CUL1: variants seen among roughly 807,000 people sequenced by gnomAD.
CUL1 encodes the protein cullin 1.
Under a neutral mutation model 118.0 loss-of-function variants are expected in CUL1, and 24 were observed. That is an observed-to-expected ratio of 0.20 (90% CI 0.15 to 0.29). The LOEUF (loss-of-function observed/expected upper bound fraction) is 0.29. Among genes scored for constraint, CUL1 ranks in the 10% least tolerant of loss-of-function variants. The probability of loss-of-function intolerance (pLI) is 1.00; values close to 1 mark genes in which losing one functional copy is unlikely to be tolerated. For missense variants in CUL1, 361 were observed against 933.8 expected (o/e 0.39, Z 7.99); for synonymous variants, 332 against 340.4 (o/e 0.98, Z 0.27).
chr7:148,744,328 C>T (rs1799238031), intron 2 of CUL1, among the ~76,000 whole-genome samples: 1 of 151,148 alleles, frequency 6.6e-6, no homozygotes, highest in African/African-American at 2.4e-5. Flanking sequence ...TCTTGCTTTC[C>T]ACCCTTCTTT....
At chr7:148,752,088 G>A (rs1010132033) in intron 2 of CUL1, among the ~76,000 whole-genome samples, 1 of 152,116 alleles carries the variant, frequency 6.6e-6, no homozygotes, top group Non-Finnish European at 1.5e-5. Context: ...TCCAGTCTGG[G>A]CAACAAGAGT....
At chr7:148,719,672 C>T (rs775534903) in intron 1 of CUL1, among the ~76,000 whole-genome samples, 4 of 152,118 alleles carry the variant, frequency 2.6e-5, no homozygotes, top group Non-Finnish European at 4.4e-5. Flanking sequence ...TAGTAACCAG[C>T]GAAGATCCAA....
At position 148,783,969 on chromosome 7, in the gene CUL1, A is replaced by G; in HGVS notation, c.1192-2A>G. On this transcript the variant is annotated splice_acceptor_variant, in intron 10 of 21. Coordinates refer to ENST00000325222, the MANE Select transcript of CUL1 (RefSeq NM_003592.3). LOFTEE classifies it high-confidence loss of function. Reference sequence around the variant, plus strand: ...TCTCTAACTATATTCCGTGTAACGCAGGCTTGTGGTCGCTTCATAAACAAC... The same window carrying G: ...TCTCTAACTATATTCCGTGTAACGCGGGCTTGTGGTCGCTTCATAAACAAC... The G allele has an allele frequency of 6.2e-7, 1 of 1,614,144 alleles. No homozygotes were observed. The highest frequency in any genetic ancestry group is 8.5e-7 in the Non-Finnish European group (1 of 1,180,006).
chr7:148,799,389 G>T lies in CUL1; in HGVS notation c.2250+1G>T. On this transcript the variant is annotated splice_donor_variant, in intron 21 of 21. Transcript: ENST00000325222. LOFTEE classifies it high-confidence loss of function. ...CAAACCTCGAGTCCCTGTGATCAAG[G>T]TACAGGACTTTACATAGCAGTCACA... is the stretch of plus-strand genomic sequence containing the variant. 6.3e-7 allele frequency: 1 copy of T among 1,593,354 alleles called. No homozygotes were observed. Among genetic ancestry groups the T allele is most frequent in the Non-Finnish European group, 8.6e-7 (1 of 1,161,642 alleles).
At chr7:148,735,843 TAGTA>T (rs1253533040) in intron 2 of CUL1, among the ~76,000 whole-genome samples, 1 of 152,058 alleles carries the variant, frequency 6.6e-6, no homozygotes, top group African/African-American at 2.4e-5. Context: ...GAAATGCAAA[TAGTA>T]AGCATATGGA....
intron 2 of CUL1, among the ~76,000 whole-genome samples, chr7:148,750,706 C>T (rs1375128715): frequency 1.3e-5 from 2 of 152,150 alleles, no homozygotes; most frequent in Admixed American, 1.3e-4. Flanking sequence ...ATGCTTGTGT[C>T]AAAGCTTCAA....
At chr7:148,704,441 G>GA (rs1451084314) in intron 1 of CUL1, among the ~76,000 whole-genome samples, 1 of 152,056 alleles carries the variant, frequency 6.6e-6, no homozygotes, top group African/African-American at 2.4e-5. Context: ...TATGTGCTTT[G>GA]AAATAGCTAT....
chr7:148,799,264 T>A lies in CUL1; in HGVS notation c.2137-11T>A. 1.2e-6 allele frequency: 2 copies of A among 1,605,902 alleles called. No homozygotes were observed. The highest frequency in any genetic ancestry group is 1.7e-6 in the Non-Finnish European group (2 of 1,172,682). On this transcript the variant is annotated splice_polypyrimidine_tract_variant and intron_variant, in intron 20 of 21. Coordinates refer to ENST00000325222, the MANE Select transcript of CUL1 (RefSeq NM_003592.3). ...CTAAATGCACTTCTTTTTCCTTATC[T>A]TGTTGCATAGGCGGCCATCGTGAGA...
At chr7:148,738,678 A>G (rs1446269792) in intron 2 of CUL1, among the ~76,000 whole-genome samples, 2 of 152,106 alleles carry the variant, frequency 1.3e-5, no homozygotes, top group Non-Finnish European at 2.9e-5. Flanking sequence ...TAAAATACCT[A>G]ATCTATTGTC....
chr7:148,713,407 G>A (rs1296579838), intron 1 of CUL1, among the ~76,000 whole-genome samples: 4 of 152,118 alleles, frequency 2.6e-5, no homozygotes, highest in African/African-American at 9.7e-5. Context: ...TACCAGTGAC[G>A]CTTGTGGCAT....
intron 2 of CUL1, among the ~76,000 whole-genome samples, chr7:148,751,661 G>A (rs1237640024): frequency 1.3e-5 from 2 of 151,466 alleles, no homozygotes; most frequent in East Asian, 1.9e-4. Context: ...ACAAAAAATA[G>A]GTATCTGCCA....
At chr7:148,698,862 G>A (rs188354562), upstream of CUL1, 3,275 of 156,566 alleles carry the variant, frequency 0.021, 104 homozygotes, top group African/African-American at 0.074. Context: ...CGGGCGGGCA[G>A]GGGAGGAGGA....
At chr7:148,698,084 TAAAACGAA>T (rs1451221401), upstream of CUL1, 1 of 152,218 alleles carries the variant, frequency 6.6e-6, no homozygotes, top group African/African-American at 2.4e-5. Context: ...AAGTGATTTT[TAAAACGAA>T]ACACGCAGAT....
At chr7:148,711,384 C>A (rs937114641) in intron 1 of CUL1, among the ~76,000 whole-genome samples, 1 of 152,190 alleles carries the variant, frequency 6.6e-6, no homozygotes, top group African/African-American at 2.4e-5. Context: ...GGTGACATCA[C>A]TCACTGTGAG....
chr7:148,745,553 G>T (rs552552490), intron 2 of CUL1, among the ~76,000 whole-genome samples: 12 of 152,094 alleles, frequency 7.9e-5, no homozygotes, highest in African/African-American at 2.9e-4. Context: ...TAGGTACTTC[G>T]GTACATTTAA....
At chr7:148,704,830 TC>T (rs1038345407) in intron 1 of CUL1, among the ~76,000 whole-genome samples, 3 of 152,130 alleles carry the variant, frequency 2.0e-5, no homozygotes, top group Non-Finnish European at 4.4e-5. Flanking sequence ...TTTTTTTTCC[TC>T]CAACTTTCTA....
intron 1 of CUL1, among the ~76,000 whole-genome samples, chr7:148,729,362 T>C (rs979035492): frequency 6.6e-6 from 1 of 152,214 alleles, no homozygotes; most frequent in Admixed American, 6.5e-5. Context: ...GTAGCACATG[T>C]ACCTATCTAG....
At chr7:148,721,909 A>G (rs867887443) in intron 1 of CUL1, among the ~76,000 whole-genome samples, 2 of 152,276 alleles carry the variant, frequency 1.3e-5, no homozygotes, top group Middle Eastern at 3.4e-3. Flanking sequence ...CAGCAAATGC[A>G]TGTGTTTGCA....
At chr7:148,785,220 C>T (rs73469626) in intron 11 of CUL1, among the ~76,000 whole-genome samples, 6,026 of 152,062 alleles carry the variant, frequency 0.04, 296 homozygotes, top group African/African-American at 0.11. Flanking sequence ...TTAACAATTG[C>T]GATCAGATCC....
Sources: gnomAD v4.1 joint callset for allele counts (sites outside exome capture counted in the v4.1 genomes callset) on GRCh38, gnomAD v4.1.1 for gene constraint, MANE v1.5 for transcripts, NCBI Gene and HGNC (gene_info 2026-07-23, HGNC 2026-07-21) for gene names.